PTPRD: variants seen among roughly 807,000 people sequenced by gnomAD.
PTPRD encodes receptor-type tyrosine-protein phosphatase delta.
Under a neutral mutation model 214.5 loss-of-function variants are expected in PTPRD, and 34 were observed. The ratio of observed to expected loss-of-function variants is 0.16; its 90% CI spans 0.12 to 0.21. The LOEUF is 0.21. Ranked by LOEUF, PTPRD falls within the 10% of genes least tolerant of loss-of-function variation. The pLI is 1.00. For missense variants in PTPRD, 2,545 were observed against 2,398.7 expected (o/e 1.06, Z -1.27); for synonymous variants, 1,128 against 845.7 (o/e 1.33, Z -5.79).
In PTPRD at chr9:9,790,675, T is replaced by C. The variant is rs2098960743; in HGVS notation, c.-367-23824A>G. Among the ~76,000 whole-genome samples the C allele has an allele frequency of 2.6e-5, 4 of 152,218 alleles. No individual in the cohort carries two copies. In the South Asian group the frequency reaches 8.3e-4, roughly 32 times the overall value. On this transcript the variant is annotated intron_variant, in intron 5 of 45. Coordinates refer to ENST00000381196, the MANE Select transcript of PTPRD (RefSeq NM_002839.4). Reference sequence around the variant, plus strand: ...AGGACTTAATGTATATCAATAATTATGTTAGCTTGAAATTAGACATTCACA... The same window carrying C: ...AGGACTTAATGTATATCAATAATTACGTTAGCTTGAAATTAGACATTCACA...
chr9:10,208,283 G>T (rs1291136236), intron 3 of PTPRD, among the ~76,000 whole-genome samples: 2 of 152,236 alleles, frequency 1.3e-5, no homozygotes, highest in African/African-American at 4.8e-5. Context: ...GGGTGGCCGA[G>T]GAGGGCGGAT....
chr9:9,087,067 A>T (rs988882664), intron 10 of PTPRD, among the ~76,000 whole-genome samples: 1 of 152,218 alleles, frequency 6.6e-6, no homozygotes, highest in Non-Finnish European at 1.5e-5. Context: ...AGAAAAGCAA[A>T]TACACACACA....
intron 11 of PTPRD, among the ~76,000 whole-genome samples, chr9:8,996,341 T>C (rs1353506283): frequency 1.3e-5 from 2 of 151,948 alleles, no homozygotes; most frequent in African/African-American, 2.4e-5. Flanking sequence ...GGATGTCAAA[T>C]GCAATACACT....
chr9:9,654,346 T>A (rs1190608603), intron 7 of PTPRD, among the ~76,000 whole-genome samples: 1 of 152,162 alleles, frequency 6.6e-6, no homozygotes, highest in African/African-American at 2.4e-5. Context: ...TAAGTAATGA[T>A]TTCAATATGA....
chr9:10,469,188 C>T (rs79393499), intron 2 of PTPRD, among the ~76,000 whole-genome samples: 9,498 of 152,008 alleles, frequency 0.062, 830 homozygotes, highest in African/African-American at 0.2. Context: ...ATTATGGTTG[C>T]CCATACAGAA....
intron 39 of PTPRD, among the ~76,000 whole-genome samples, chr9:8,369,392 A>C (rs2080864214): frequency 6.6e-6 from 1 of 151,956 alleles, no homozygotes; most frequent in Non-Finnish European, 1.5e-5. Flanking sequence ...TTGTGCTTCC[A>C]TATGCAAAGT....
At chr9:9,663,271 T>C (rs1392448776) in intron 7 of PTPRD, among the ~76,000 whole-genome samples, 1 of 151,446 alleles carries the variant, frequency 6.6e-6, no homozygotes, top group Non-Finnish European at 1.5e-5. Flanking sequence ...ATTATATAAT[T>C]GTACTGATTA....
intron 5 of PTPRD, among the ~76,000 whole-genome samples, chr9:9,937,487 A>G (rs891774301): frequency 6.6e-6 from 1 of 151,712 alleles, no homozygotes; most frequent in South Asian, 2.1e-4. Context: ...TAAATTTTAT[A>G]CAAGTATATA....
intron 3 of PTPRD, among the ~76,000 whole-genome samples, chr9:10,137,948 C>T (rs536543440): frequency 6.6e-6 from 1 of 151,738 alleles, no homozygotes; most frequent in South Asian, 2.1e-4. Flanking sequence ...TAGAAATATA[C>T]CAAATTAATA....
intron 3 of PTPRD, among the ~76,000 whole-genome samples, chr9:10,314,881 T>A (rs895576823): frequency 2.6e-5 from 4 of 151,888 alleles, no homozygotes; most frequent in African/African-American, 9.7e-5. Flanking sequence ...CACTCATCCT[T>A]TCAGAATTGC....
chr9:10,435,755 C>T (rs982701674), intron 2 of PTPRD, among the ~76,000 whole-genome samples: 1 of 151,690 alleles, frequency 6.6e-6, no homozygotes, highest in African/African-American at 2.4e-5. Context: ...ATGAGGGTTA[C>T]ACATTTTGGC....
chr9:8,409,399 C>G (rs1254101076), intron 35 of PTPRD, among the ~76,000 whole-genome samples: 3 of 152,148 alleles, frequency 2.0e-5, no homozygotes, highest in Admixed American at 2.0e-4. Flanking sequence ...TTGAAGGTTT[C>G]ACACTTGCCT....
chr9:8,841,431 A>AT (rs889032444), intron 11 of PTPRD, among the ~76,000 whole-genome samples: 24 of 152,112 alleles, frequency 1.6e-4, no homozygotes, highest in African/African-American at 5.1e-4. Flanking sequence ...AACAAGCTTT[A>AT]TTTTTTTTAA....
intron 8 of PTPRD, among the ~76,000 whole-genome samples, chr9:9,493,534 A>T (rs1569568793): frequency 6.6e-6 from 1 of 152,140 alleles, no homozygotes; most frequent in Admixed American, 6.5e-5. Flanking sequence ...CATGCCTGTA[A>T]TCCTAGCACT....
At chr9:9,142,634 T>G (rs2099862345) in intron 10 of PTPRD, among the ~76,000 whole-genome samples, 1 of 152,246 alleles carries the variant, frequency 6.6e-6, no homozygotes, top group African/African-American at 2.4e-5. Flanking sequence ...TTGTAACTTC[T>G]GTACATCACT....
chr9:10,384,624 G>A (rs537210917), intron 2 of PTPRD, among the ~76,000 whole-genome samples: 11 of 151,302 alleles, frequency 7.3e-5, no homozygotes, highest in Non-Finnish European at 1.2e-4. Flanking sequence ...AAATAAAAAC[G>A]GATTTTTTTA....
At chr9:9,318,400 GAAGACTAT>G (rs1964568008) in intron 9 of PTPRD, among the ~76,000 whole-genome samples, 1 of 151,996 alleles carries the variant, frequency 6.6e-6, no homozygotes, top group South Asian at 2.1e-4. Flanking sequence ...GTCAAATAAA[GAAGACTAT>G]AAAATGAGAT....
At chr9:10,041,358 A>T (rs1470125609) in intron 3 of PTPRD, among the ~76,000 whole-genome samples, 1 of 151,988 alleles carries the variant, frequency 6.6e-6, no homozygotes, top group Non-Finnish European at 1.5e-5. Context: ...AGTGGAACTG[A>T]TTTCTAGGAA....
intron 11 of PTPRD, among the ~76,000 whole-genome samples, chr9:8,780,814 A>C (rs1180683453): frequency 6.6e-6 from 1 of 152,224 alleles, no homozygotes; most frequent in Non-Finnish European, 1.5e-5. Flanking sequence ...CAGAAAAGGA[A>C]GGAGATTGTG....
Sources: gnomAD v4.1 joint callset for allele counts (sites outside exome capture counted in the v4.1 genomes callset) on GRCh38, gnomAD v4.1.1 for gene constraint, MANE v1.5 for transcripts, NCBI Gene and HGNC (gene_info 2026-07-23, HGNC 2026-07-21) for gene names.